Variants in SLC5A11 observed in about 807,000 individuals in gnomAD.
The protein encoded by SLC5A11 is solute carrier family 5 member 11.
In SLC5A11, 48 loss-of-function variants were observed where a neutral mutation model predicts 69.8. The observed-to-expected ratio is 0.69, with a 90% CI of 0.55 to 0.87. The LOEUF (loss-of-function observed/expected upper bound fraction) is 0.87. Among genes scored for constraint, SLC5A11 ranks in the 40% least tolerant of loss-of-function variants. SLC5A11 has a pLI of 0.00. For synonymous variants in SLC5A11, 319 were observed against 342.4 expected, an observed-to-expected ratio of 0.93 and a Z score of 0.75; for missense variants, 784 against 866.1, an observed-to-expected ratio of 0.91 and a Z score of 1.19.
chr16:24,875,963 G>A (rs962850001), intron 6 of SLC5A11, among the ~76,000 whole-genome samples: 1 of 152,170 alleles, frequency 6.6e-6, no homozygotes, highest in African/African-American at 2.4e-5. Flanking sequence ...GGGAGGCTGA[G>A]GCAGGTGTAT....
chr16:24,851,462 T>C (rs1197431504), intron 1 of SLC5A11, among the ~76,000 whole-genome samples: 2 of 152,066 alleles, frequency 1.3e-5, no homozygotes, highest in African/African-American at 2.4e-5. Context: ...GGAGAATCGC[T>C]TGAAGCCAGG....
intron 10 of SLC5A11, 120 bp from the exon 12 acceptor site, chr16:24,906,537 T>C: frequency 1.9e-6 from 1 of 529,188 alleles, no homozygotes; most frequent in South Asian, 4.0e-5. Context: ...GTCTAGACTC[T>C]TTTTTATTTC....
At chr16:24,849,593 A>AAAAAAAAATATATAT in intron 1 of SLC5A11, among the ~76,000 whole-genome samples, 2 of 35,906 alleles carry the variant, frequency 5.6e-5, no homozygotes, top group African/African-American at 1.8e-4. Flanking sequence ...AAAAAAAAAA[A>AAAAAAAAATATATAT]ATATATATAT....
chr16:24,884,177 T>C (rs1344267634), intron 8 of SLC5A11, 46 bp downstream of exon 9: 3 of 1,566,922 alleles, frequency 1.9e-6, no homozygotes, highest in Non-Finnish European at 2.6e-6. Context: ...AGCACCTCTC[T>C]CCAGCAGGGA....
intron 13 of SLC5A11, among the ~76,000 whole-genome samples, chr16:24,908,396 T>C (rs1359184650): frequency 6.6e-6 from 1 of 152,028 alleles, no homozygotes; most frequent in African/African-American, 2.4e-5. Context: ...GTCAGGAGTT[T>C]GAGACCAGCC....
chr16:24,884,560 A>T (rs1180588969), intron 8 of SLC5A11, among the ~76,000 whole-genome samples: 2 of 131,734 alleles, frequency 1.5e-5, no homozygotes, highest in Non-Finnish European at 3.1e-5. Flanking sequence ...TATGTTGCCC[A>T]GGCTGATCTC....
intron 10 of SLC5A11, among the ~76,000 whole-genome samples, chr16:24,904,250 C>A (rs1483972873): frequency 6.6e-6 from 1 of 152,140 alleles, no homozygotes. Context: ...AGAGCCAAGC[C>A]ATATCAGGAT....
chr16:24,876,518 G>A (rs1212694073), intron 6 of SLC5A11, among the ~76,000 whole-genome samples: 1 of 152,230 alleles, frequency 6.6e-6, no homozygotes, highest in African/African-American at 2.4e-5. Flanking sequence ...CTCAGCAGAA[G>A]CTGTCTTCGC....
At chr16:24,884,512 T>C (rs1189191074) in intron 8 of SLC5A11, among the ~76,000 whole-genome samples, 2 of 80,108 alleles carry the variant, frequency 2.5e-5, no homozygotes, top group Non-Finnish European at 4.6e-5. Context: ...TTTTTTATTT[T>C]GTTTTTTTTT....
chr16:24,899,080 A>T (rs1438088354), intron 10 of SLC5A11, among the ~76,000 whole-genome samples: 1 of 151,866 alleles, frequency 6.6e-6, no homozygotes, highest in Non-Finnish European at 1.5e-5. Flanking sequence ...GACCTCCCTA[A>T]ATTCTGGGAT....
intron 3 of SLC5A11, among the ~76,000 whole-genome samples, chr16:24,866,569 C>A: frequency 7.0e-6 from 1 of 142,068 alleles, no homozygotes. Flanking sequence ...ACAGTGAGAT[C>A]CTGTCTAAAA....
exon 12 of SLC5A11, chr16:24,907,143 G>T (rs1268828460): frequency 1.2e-6 from 2 of 1,613,952 alleles, no homozygotes; most frequent in African/African-American, 2.7e-5. Context: ...TCCGGCCTCG[G>T]GCATCTGAGA....
At chr16:24,853,082 G>A (rs61701109) in intron 1 of SLC5A11, among the ~76,000 whole-genome samples, 1 of 151,952 alleles carries the variant, frequency 6.6e-6, no homozygotes, top group Non-Finnish European at 1.5e-5. Flanking sequence ...CTAGCACAGA[G>A]CATGGCACAC....
At chr16:24,856,577 T>C (rs1220326664) in intron 1 of SLC5A11, among the ~76,000 whole-genome samples, 1 of 111,920 alleles carries the variant, frequency 8.9e-6, no homozygotes, top group East Asian at 2.8e-4. Context: ...CACGGTGAAA[T>C]CCCATCTCTA....
chr16:24,884,513 G>GTTTTTTTTTTTTTTTT (rs10572531), intron 8 of SLC5A11, among the ~76,000 whole-genome samples: 3 of 110,272 alleles, frequency 2.7e-5, no homozygotes, highest in African/African-American at 9.8e-5. Context: ...TTTTTATTTT[G>GTTTTTTTTTTTTTTTT]TTTTTTTTTT....
At position 24,860,398 on chromosome 16, in the gene SLC5A11, G is replaced by A. The variant is rs367713662; in HGVS notation, c.135+1620G>A. On this transcript the variant is annotated intron_variant, in intron 2 of 15. Coordinates refer to ENST00000347898, the Ensembl canonical transcript of SLC5A11. Reference sequence around the variant, plus strand: ...TTGAACCTGGGAAGCAGAGGTTGTGGTGAGCTGAGATTGTGCCATTGCGCT... The same window carrying A: ...TTGAACCTGGGAAGCAGAGGTTGTGATGAGCTGAGATTGTGCCATTGCGCT... 5.3e-5 allele frequency among the ~76,000 whole-genome samples: 8 copies of A among 152,304 alleles called. No individual in the cohort carries two copies. In the East Asian group the frequency reaches 1.5e-3, roughly 29 times the overall value.
intron 3 of SLC5A11, among the ~76,000 whole-genome samples, chr16:24,868,156 A>G (rs1050669169): frequency 1.2e-4 from 18 of 151,748 alleles, no homozygotes; most frequent in African/African-American, 4.4e-4. Flanking sequence ...AAAAAAGTAA[A>G]GACAGTGAAT....
At chr16:24,884,994 G>A (rs897014289) in intron 8 of SLC5A11, among the ~76,000 whole-genome samples, 1 of 151,940 alleles carries the variant, frequency 6.6e-6, no homozygotes, top group Non-Finnish European at 1.5e-5. Flanking sequence ...CACCTGCCTC[G>A]GCCTCCCAAA....
chr16:24,853,576 A>G (rs148079767), intron 1 of SLC5A11, among the ~76,000 whole-genome samples: 87 of 152,166 alleles, frequency 5.7e-4, no homozygotes, highest in African/African-American at 2.0e-3. Flanking sequence ...AGAGGGAGGG[A>G]AAGAGAGAAT....
Sources: gnomAD v4.1 joint callset for allele counts (sites outside exome capture counted in the v4.1 genomes callset) on GRCh38, gnomAD v4.1.1 for gene constraint, MANE v1.5 for transcripts, NCBI Gene and HGNC (gene_info 2026-07-23, HGNC 2026-07-21) for gene names.